Variants in CNBD1 observed in about 807,000 individuals in gnomAD.
The protein encoded by CNBD1 is cyclic nucleotide-binding domain-containing protein 1.
Under a neutral mutation model 54.4 loss-of-function variants are expected in CNBD1, and 71 were observed. That is an observed-to-expected ratio of 1.30 (90% CI 1.08 to 1.59). The LOEUF is 1.59. Among genes scored for constraint, CNBD1 ranks in the 40% most tolerant of loss-of-function variants. The pLI, the probability that CNBD1 is intolerant of heterozygous loss-of-function variation, is 0.00. For missense variants in CNBD1, 659 were observed against 518.0 expected (o/e 1.27, Z -2.64); for synonymous variants, 182 against 170.7 (o/e 1.07, Z -0.51).
intron 4 of CNBD1, among the ~76,000 whole-genome samples, chr8:87,175,176 C>T (rs1410305784): frequency 6.6e-6 from 1 of 152,148 alleles, no homozygotes; most frequent in Non-Finnish European, 1.5e-5. Context: ...TTTCCCCAGG[C>T]TTTGTTGAGC....
intron 8 of CNBD1, among the ~76,000 whole-genome samples, chr8:87,339,373 G>A (rs13269156): frequency 0.28 from 42,377 of 151,918 alleles, 6,811 homozygotes; most frequent in Middle Eastern, 0.42. Context: ...GTTTCCCTAC[G>A]CTCGCGTCAT....
At chr8:87,186,431 T>G (rs758276916) in intron 4 of CNBD1, among the ~76,000 whole-genome samples, 1 of 152,110 alleles carries the variant, frequency 6.6e-6, no homozygotes, top group Non-Finnish European at 1.5e-5. Context: ...TTTACAACCA[T>G]CATTCCAGCT....
Position 86,965,662 on chromosome 8 carries a change from G to C in CNBD1, c.431+25908G>C, listed in dbSNP as rs80288396. ...CCTCAAAATGTTACGGGATCTTTGGGGGGTGGATTTTCTGGCCGGAAACCT... is the reference window on the plus strand; with the variant it reads ...CCTCAAAATGTTACGGGATCTTTGGCGGGTGGATTTTCTGGCCGGAAACCT... On this transcript the variant is annotated intron_variant, in intron 4 of 10. Transcript: ENST00000518476. Among the ~76,000 whole-genome samples, 267 of 152,280 alleles carry C rather than the reference G, an allele frequency of 1.8e-3. 7 individuals are homozygous for C. In the East Asian group the frequency reaches 0.042, roughly 24 times the overall value.
At chr8:86,885,204 C>G (rs1451036186) in intron 1 of CNBD1, among the ~76,000 whole-genome samples, 1 of 152,182 alleles carries the variant, frequency 6.6e-6, no homozygotes, top group Non-Finnish European at 1.5e-5. Context: ...TATATGCACA[C>G]ATATGAAGAT....
intron 8 of CNBD1, among the ~76,000 whole-genome samples, chr8:87,294,761 G>A (rs1808847991): frequency 6.6e-6 from 1 of 151,980 alleles, no homozygotes; most frequent in African/African-American, 2.4e-5. Context: ...TGTTCCCAAG[G>A]CTTCTTATGG....
chr8:86,956,396 C>T (rs1005317881), intron 4 of CNBD1, among the ~76,000 whole-genome samples: 79 of 152,272 alleles, frequency 5.2e-4, no homozygotes, highest in Non-Finnish European at 1.0e-3. Flanking sequence ...ATGGGGATGG[C>T]ATTGAATCTA....
chr8:87,293,354 G>A (rs1320341977), intron 8 of CNBD1, among the ~76,000 whole-genome samples: 1 of 152,014 alleles, frequency 6.6e-6, no homozygotes, highest in African/African-American at 2.4e-5. Context: ...GACCAGCCTG[G>A]ACAACATGAT....
At chr8:87,387,486 A>G (rs1281542522), downstream of CNBD1, among the ~76,000 whole-genome samples, 2 of 152,188 alleles carry the variant, frequency 1.3e-5, no homozygotes, top group African/African-American at 4.8e-5. Flanking sequence ...CTTTAAACCA[A>G]CAAAGATCAA....
intron 4 of CNBD1, among the ~76,000 whole-genome samples, chr8:87,154,187 T>G (rs1211767477): frequency 6.6e-6 from 1 of 152,170 alleles, no homozygotes; most frequent in East Asian, 1.9e-4. Context: ...TTTTAACCTA[T>G]CGCATCTCCA....
intron 1 of CNBD1, among the ~76,000 whole-genome samples, chr8:86,868,977 G>A (rs1808403457): frequency 2.6e-5 from 4 of 151,964 alleles, no homozygotes; most frequent in Admixed American, 2.0e-4. Flanking sequence ...AGAAAGACTC[G>A]ACTGGCCCTT....
chr8:86,910,247 A>G (rs1009794944), intron 3 of CNBD1, among the ~76,000 whole-genome samples: 1 of 152,178 alleles, frequency 6.6e-6, no homozygotes, highest in Non-Finnish European at 1.5e-5. Flanking sequence ...AAGGGATACA[A>G]GATCTGGAGT....
chr8:86,918,979 G>A (rs533627071), intron 3 of CNBD1, among the ~76,000 whole-genome samples: 13 of 151,010 alleles, frequency 8.6e-5, no homozygotes, highest in Admixed American at 1.3e-4. Flanking sequence ...CTACTTGTAA[G>A]AACATGTGGT....
At chr8:86,934,815 C>A (rs1809516440) in intron 3 of CNBD1, among the ~76,000 whole-genome samples, 1 of 152,010 alleles carries the variant, frequency 6.6e-6, no homozygotes, top group Non-Finnish European at 1.5e-5. Flanking sequence ...GCTTTGTTAT[C>A]TTCTAAAATT....
chr8:87,360,155 C>T (rs949731807), intron 10 of CNBD1, among the ~76,000 whole-genome samples: 2 of 151,838 alleles, frequency 1.3e-5, no homozygotes, highest in African/African-American at 4.8e-5. Context: ...CTCACTGTAC[C>T]TGTACTTCAA....
At chr8:87,414,745 G>A (rs1054128268) in intron 2 of CNBD1, among the ~76,000 whole-genome samples, 2 of 151,560 alleles carry the variant, frequency 1.3e-5, no homozygotes, top group East Asian at 3.9e-4. Context: ...CAAAATTACT[G>A]GTGTGACTTG....
At chr8:87,424,955 C>T (rs1330768253) in intron 2 of CNBD1, among the ~76,000 whole-genome samples, 2 of 152,112 alleles carry the variant, frequency 1.3e-5, no homozygotes, top group East Asian at 1.9e-4. Context: ...CTTTCAGGTA[C>T]ACCAATCAGA....
intron 4 of CNBD1, among the ~76,000 whole-genome samples, chr8:87,138,846 C>A (rs891107354): frequency 3.3e-5 from 5 of 152,142 alleles, no homozygotes; most frequent in Non-Finnish European, 7.3e-5. Context: ...CACGATAAAG[C>A]CCTGGTGAAT....
At chr8:87,076,458 T>G (rs894540262) in intron 4 of CNBD1, among the ~76,000 whole-genome samples, 2 of 152,182 alleles carry the variant, frequency 1.3e-5, no homozygotes, top group Non-Finnish European at 2.9e-5. Context: ...CTTTTTTTTT[T>G]TTGAGACAGA....
chr8:87,413,389 C>T (rs534183370), intron 2 of CNBD1, among the ~76,000 whole-genome samples: 2 of 152,108 alleles, frequency 1.3e-5, no homozygotes, highest in East Asian at 1.9e-4. Flanking sequence ...ACTTTTAACA[C>T]CTAGTGTCAT....
Sources: allele counts gnomAD v4.1 joint callset (sites outside exome capture counted in the v4.1 genomes callset), GRCh38; gene constraint gnomAD v4.1.1; transcripts MANE v1.5; gene names NCBI Gene and HGNC (gene_info 2026-07-23, HGNC 2026-07-21).